Variants in PKD1 observed in about 807,000 individuals in gnomAD.
PKD1 encodes the protein polycystin 1, transient receptor potential channel interacting.
Under a neutral mutation model 361.7 loss-of-function variants are expected in PKD1, and 81 were observed. The ratio of observed to expected loss-of-function variants is 0.22; its 90% CI spans 0.19 to 0.27. The LOEUF is 0.27. Ranked by LOEUF, PKD1 falls within the 10% of genes least tolerant of loss-of-function variation. The pLI is 1.00. For synonymous variants in PKD1, 3,615 were observed against 2,818.3 expected (o/e 1.28, Z -8.95); for missense variants, 6,399 against 6,118.3 (o/e 1.05, Z -1.53).
chr16:2,104,461 G>A (rs376876436), intron 22 of PKD1, 37 bp downstream of exon 22: 113 of 1,478,664 alleles, frequency 7.6e-5, no homozygotes, highest in Admixed American at 4.7e-4. Flanking sequence ...AGGGCCGCAC[G>A]GGGCGGGCGG....
intron 1 of PKD1, among the ~76,000 whole-genome samples, chr16:2,121,243 T>C (rs1175361004): frequency 1.3e-5 from 2 of 151,590 alleles, no homozygotes; most frequent in Non-Finnish European, 2.9e-5. Context: ...CAAGCACCTG[T>C]AATTCCAGCT....
chr16:2,127,696 C>T (rs1446482518), intron 1 of PKD1, among the ~76,000 whole-genome samples: 1 of 151,360 alleles, frequency 6.6e-6, no homozygotes, highest in Admixed American at 6.6e-5. Context: ...CTACACTGCC[C>T]TGCAGGGTGC....
Position 2,118,620 on chromosome 16 carries a change from G to A in PKD1, c.529+56C>T, listed in dbSNP as rs1458526884. 8 of 891,900 alleles carry A rather than the reference G, an allele frequency of 9.0e-6. No individual in the cohort carries two copies. Among genetic ancestry groups the A allele is most frequent in the Admixed American group, 4.0e-5 (2 of 50,192 alleles). 55.2% of individuals were successfully genotyped at this position (891,900 alleles called of 1,614,324 possible). A position where few individuals can be genotyped will look rare whatever the true frequency, so the allele number is the denominator to read the frequency against. ...CTGAGCCCTGCCCAGTGTCTGCAGG[G>A]CCCAGGTCCCACCTGGCTGGGAAGG... On this transcript the variant is annotated intron_variant, in intron 4 of 45. Transcript: ENST00000262304. This position sits in a 1 kb window ranked among gnomAD's most constrained non-coding sequence, Gnocchi z 6.0.
intron 23 of PKD1, 43 bp downstream of exon 23, chr16:2,103,223 A>G (rs2092174264): frequency 1.3e-6 from 2 of 1,598,692 alleles, no homozygotes; most frequent in Admixed American, 1.7e-5. Flanking sequence ...TCCCCCCAAG[A>G]ACAAGGCCAG....
At position 2,112,122 on chromosome 16, in the gene PKD1, G is replaced by A. The variant is rs1251733318; in HGVS notation, c.3295+218C>T. Among the ~76,000 whole-genome samples, 55 of 152,208 alleles carry A rather than the reference G, an allele frequency of 3.6e-4. 3 individuals carry two copies. The highest frequency in any genetic ancestry group is 3.1e-3 in the Admixed American group (48 of 15,286). ...CAGCAGAGCAGCAAGAGCCAGGCCC[G>A]GGGAGGGCGGGGGGCGCAGTTCAGG... On this transcript the variant is annotated intron_variant, in intron 14 of 45. Coordinates refer to ENST00000262304, the MANE Select transcript of PKD1 (RefSeq NM_001009944.3).
At chr16:2,121,329 C>T (rs1182098566) in intron 1 of PKD1, among the ~76,000 whole-genome samples, 3 of 151,662 alleles carry the variant, frequency 2.0e-5, no homozygotes, top group Non-Finnish European at 4.4e-5. Context: ...CGCACCCCTG[C>T]ACTCCAGCAC....
In PKD1 at chr16:2,089,596, ATGCCCCTGCC is replaced by A. The variant is rs1350137871; in HGVS notation, c.*121_*130del. 1 of 1,142,348 alleles carries A rather than the reference ATGCCCCTGCC, an allele frequency of 8.8e-7. No individual in the cohort carries two copies. The highest frequency in any genetic ancestry group is 1.3e-6 in the Non-Finnish European group (1 of 798,654). 70.8% of individuals were successfully genotyped at this position (1,142,348 alleles called of 1,614,324 possible). A position where few individuals can be genotyped will look rare whatever the true frequency, so the allele number is the denominator to read the frequency against. ...AGTGCTGAAGCCCACAGACAGACAG[ATGCCCCTGCC>A]TGCTCTCTGGGGAACCTACGTGCAG... On this transcript the variant is annotated 3_prime_UTR_variant, in exon 46 of 46. Coordinates refer to ENST00000262304, the MANE Select transcript of PKD1 (RefSeq NM_001009944.3).
intron 44 of PKD1, 22 bp from the exon 45 acceptor site, chr16:2,090,612 T>G: frequency 6.2e-7 from 1 of 1,608,826 alleles, no homozygotes; most frequent in Middle Eastern, 1.7e-4. Context: ...GCGACACCAG[T>G]GAGGGCGTAC....
chr16:2,106,541 G>C lies in PKD1; in HGVS notation c.7346C>G (p.Thr2449Arg). 1 of 1,596,496 alleles carries C rather than the reference G, an allele frequency of 6.3e-7. No homozygotes were observed. Among genetic ancestry groups the C allele is most frequent in the African/African-American group, 1.3e-5 (1 of 74,914 alleles). ...RDGEGYTFTL[T>R]VLGRSGEEEG... is the part of the protein sequence containing the mutation. ...CTCCTCGCCAGAGCGGCCCAGCACC[G>C]TGAGCGTGAAGGTGTATCCCTCGCC... The change falls in exon 18 of 46, where the codon ACG becomes AGG. Residue 2449 changes from threonine to arginine, a missense_variant. Physicochemically the swap from Thr to Arg is moderately conservative, Grantham distance 71 (BLOSUM62 -1). Coordinates refer to ENST00000262304, the MANE Select transcript of PKD1 (RefSeq NM_001009944.3). The surrounding 1 kb of genome is among the most constrained non-coding windows in gnomAD (Gnocchi z 6.5).
intron 1 of PKD1, chr16:2,123,338 G>T (rs2092751581): frequency 2.8e-6 from 1 of 356,988 alleles, no homozygotes; most frequent in African/African-American, 2.1e-5. Context: ...AGCCCCCAGG[G>T]TGTGGAAGCG....
chr16:2,100,358 G>A lies in PKD1; in HGVS notation c.9568+38C>T, dbSNP rs1347113269. On this transcript the variant is annotated intron_variant, in intron 27 of 45. Coordinates refer to ENST00000262304, the MANE Select transcript of PKD1 (RefSeq NM_001009944.3). This position sits in a 1 kb window ranked among gnomAD's most constrained non-coding sequence, Gnocchi z 4.4. ...CAGGCTCGCAGGGCGCCCCAATGCG[G>A]GGGCAGAGGGGCAGAGCTTGGCAGG... The A allele has an allele frequency of 6.2e-7, 1 of 1,610,270 alleles. No homozygotes were observed. The highest frequency in any genetic ancestry group is 1.3e-5 in the African/African-American group (1 of 74,798).
chr16:2,098,341 T>C (rs1231468800), intron 30 of PKD1: 4 of 373,942 alleles, frequency 1.1e-5, no homozygotes. Flanking sequence ...CCTGAGTAGC[T>C]GGGATTACAG....
Position 2,092,507 on chromosome 16 carries a change from G to GTGGGGGCCCCAGCTC in PKD1, c.11227_11241dup (p.Glu3743_Pro3747dup). The GTGGGGGCCCCAGCTC allele has an allele frequency of 6.2e-7, 1 of 1,611,608 alleles. No individual in the cohort carries two copies. The highest frequency in any genetic ancestry group is 8.5e-7 in the Non-Finnish European group (1 of 1,178,954). Reference sequence around the variant, plus strand: ...TCCTGCAGCCGCACCTGCCGCAGCCGTGGGGGCCCCAGCTCTGGGCTGGAC... The same window carrying GTGGGGGCCCCAGCTC: ...TCCTGCAGCCGCACCTGCCGCAGCCGTGGGGGCCCCAGCTCTGGGGGCCCCAGCTCTGGGCTGGAC... On this transcript the variant is annotated inframe_insertion, in exon 39 of 46. Transcript: ENST00000262304.
At chr16:2,097,684 A>G (rs376042308) in intron 32 of PKD1, 44 bp downstream of exon 32, 13 of 1,610,746 alleles carry the variant, frequency 8.1e-6, no homozygotes, top group African/African-American at 8.0e-5. Flanking sequence ...CACCCCAGAC[A>G]CAGTGACCTG....
At position 2,116,559 on chromosome 16, in the gene PKD1, G is replaced by A. The variant is rs374525293; in HGVS notation, c.1692C>T (p.Asp564=). Residue 564 remains aspartate (D), a synonymous_variant, in exon 8 of 46, where the codon GAC becomes GAT. Coordinates refer to ENST00000262304, the MANE Select transcript of PKD1 (RefSeq NM_001009944.3). ...CGGGCTCGTGCGGGGCTGAGAGGCC[G>A]TCCTGCTGTGCCAGAGGCGTCAGGG... is the stretch of plus-strand genomic sequence containing the variant. The part of the protein sequence containing the change: ...QGPLTPLAQQ[D]GLSAPHEPVE... The A allele has an allele frequency of 2.2e-4, 346 of 1,564,470 alleles. No homozygotes were observed. The African/African-American group carries it at 3.4e-3, about 15-fold the overall frequency.
rs778276171 is a variant in PKD1, at chr16:2,118,098, G to C, written c.894C>G (p.Leu298=). Residue 298 remains leucine (L), a synonymous_variant, in exon 5 of 46, where the codon CTC becomes CTG. Transcript: ENST00000262304. This position sits in a 1 kb window ranked among gnomAD's most constrained non-coding sequence, Gnocchi z 6.0. ...QLAAFHIAAP[L]PVTATRWDFG... ...AGTCCCAGCGTGTGGCAGTGACAGG[G>C]AGCGGGGCAGCGATGTGGAAGGCTG... is the stretch of plus-strand genomic sequence containing the variant. 6.2e-6 allele frequency: 10 copies of C among 1,606,560 alleles called. No homozygotes were observed. Among genetic ancestry groups the C allele is most frequent in the Non-Finnish European group, 8.5e-6 (10 of 1,178,770 alleles).
rs1370730534 is a variant in PKD1, at chr16:2,103,642, G to A, written c.8415C>T (p.His2805=). The A allele has an allele frequency of 1.2e-6, 2 of 1,610,430 alleles. No individual in the cohort carries two copies. Among genetic ancestry groups the A allele is most frequent in the South Asian group, 2.2e-5 (2 of 90,996 alleles). ...CGCTGAAAGCCTCGGGGATGGAGAA[G>A]TGGCAGCCAGGCCCTGGGGCGCCGC... ...CYGGAPGPGC[H]FSIPEAFSGA... The change falls in exon 23 of 46, where the codon CAC becomes CAT. Residue 2805 remains histidine, a synonymous_variant. Transcript: ENST00000262304.
Position 2,111,545 on chromosome 16 carries a change from C to G in PKD1, c.3622G>C (p.Val1208Leu). The G allele has an allele frequency of 6.3e-7, 1 of 1,594,156 alleles. No individual in the cohort carries two copies. The highest frequency in any genetic ancestry group is 1.3e-5 in the African/African-American group (1 of 74,678). Residue 1208 changes from valine (V) to leucine (L), a missense_variant, in exon 15 of 46, where the codon GTC (valine) becomes CTC (leucine). Physicochemically the swap from Val to Leu is conservative, Grantham distance 32. Coordinates refer to ENST00000262304, the MANE Select transcript of PKD1 (RefSeq NM_001009944.3). Reference protein sequence around the residue: ...SGAAAQADVRVFEELRGLSVD... With the variant: ...SGAAAQADVRLFEELRGLSVD... ...CTGAGTCCGCGGAGCTCCTCAAAGA[C>G]GCGCACATCCGCCTGGGCCGCCGCA...
intron 20 of PKD1, 96 bp downstream of exon 20, chr16:2,105,769 G>C: frequency 7.1e-7 from 1 of 1,408,072 alleles, no homozygotes; most frequent in Non-Finnish European, 9.9e-7. Flanking sequence ...TCTGGGGCCC[G>C]GGATGAGCCC....
Sources: allele counts gnomAD v4.1 joint callset (sites outside exome capture counted in the v4.1 genomes callset), GRCh38; gene constraint gnomAD v4.1.1; non-coding constraint Gnocchi (gnomAD v3.1); transcripts MANE v1.5; gene names NCBI Gene and HGNC (gene_info 2026-07-23, HGNC 2026-07-21).